The following TNNT2 variants were observed in gnomAD, a reference collection of about 807,000 sequenced individuals.
TNNT2 encodes troponin T, cardiac muscle.
In TNNT2, 34 loss-of-function variants were observed where a neutral mutation model predicts 62.4. The observed-to-expected ratio is 0.54, with a 90% CI of 0.41 to 0.72. The LOEUF (loss-of-function observed/expected upper bound fraction) is 0.72, where lower values mean the gene tolerates loss of function less well. Ranked by LOEUF, TNNT2 falls within the 30% of genes least tolerant of loss-of-function variation. The pLI, the probability that TNNT2 is intolerant of heterozygous loss-of-function variation, is 0.00. For missense variants in TNNT2, 275 were observed against 381.9 expected, an observed-to-expected ratio of 0.72 and a Z score of 2.33; for synonymous variants, 123 against 127.2, an observed-to-expected ratio of 0.97 and a Z score of 0.22.
intron 4 of TNNT2, 134 bp downstream of exon 4, chr1:201,371,893 G>C (rs1006544735): frequency 9.9e-5 from 117 of 1,183,126 alleles, no homozygotes; most frequent in Admixed American, 3.4e-4. Context: ...ATTTTAGAAG[G>C]CACTGTTGTT....
At chr1:201,367,449 C>T (rs545155455) in intron 7 of TNNT2, 51 of 523,222 alleles carry the variant, frequency 9.7e-5, no homozygotes, top group African/African-American at 8.7e-4. Flanking sequence ...GACACCACAT[C>T]CTACAAGTGA....
chr1:201,364,543 C>T (rs984640765), intron 10 of TNNT2, among the ~76,000 whole-genome samples, 168 bp from the exon 11 acceptor site: 7 of 152,176 alleles, frequency 4.6e-5, no homozygotes, highest in African/African-American at 1.4e-4. Context: ...ACCAGCTCCA[C>T]GGACGTGCAC....
intron 2 of TNNT2, 144 bp from the exon 3 acceptor site, chr1:201,372,299 C>G (rs1660750882): frequency 1.7e-6 from 2 of 1,203,486 alleles, no homozygotes; most frequent in Admixed American, 1.9e-5. Context: ...TCCACGCTGC[C>G]CTGCCCACCT....
chr1:201,370,088 G>A (rs927116973), intron 4 of TNNT2, among the ~76,000 whole-genome samples: 2 of 152,216 alleles, frequency 1.3e-5, no homozygotes, highest in Admixed American at 6.5e-5. Context: ...CTTCTCAGCC[G>A]TGGTGAGGAC....
At chr1:201,365,371 G>T in intron 9 of TNNT2, 64 bp from the exon 10 acceptor site, 1 of 1,403,530 alleles carries the variant, frequency 7.1e-7, no homozygotes, top group Non-Finnish European at 1.0e-6. Context: ...GAGATGGGTG[G>T]GCTAGACACC....
chr1:201,364,483 TC>T, intron 10 of TNNT2, 108 bp from the exon 11 acceptor site: 1 of 1,206,272 alleles, frequency 8.3e-7, no homozygotes, highest in Non-Finnish European at 1.2e-6. Context: ...GAGGGTTCCT[TC>T]CAGAGTCTTG....
intron 8 of TNNT2, chr1:201,366,540 T>C: frequency 3.1e-6 from 4 of 1,298,764 alleles, no homozygotes; most frequent in Non-Finnish European, 3.9e-6. Flanking sequence ...AGGAGGGTGT[T>C]CTGGCCATAC....
chr1:201,362,209 G>T (rs1420881716), intron 13 of TNNT2, 177 bp downstream of exon 13: 4 of 1,262,772 alleles, frequency 3.2e-6, no homozygotes, highest in Non-Finnish European at 4.5e-6. Context: ...GGGGCAAGAA[G>T]GATCACGTCA....
intron 12 of TNNT2, 34 bp downstream of exon 12, chr1:201,363,262 G>C: frequency 6.2e-7 from 1 of 1,613,056 alleles, no homozygotes; most frequent in Non-Finnish European, 8.5e-7. Flanking sequence ...GCTATACTAG[G>C]ATCTCCTGGC....
intron 1 of TNNT2, among the ~76,000 whole-genome samples, chr1:201,375,594 G>T (rs945950780): frequency 5.3e-5 from 8 of 152,146 alleles, no homozygotes; most frequent in Admixed American, 5.2e-4. Flanking sequence ...GATGAGAGTG[G>T]CCAAAGAGAA....
chr1:201,361,312 G>T lies in TNNT2; in HGVS notation c.777C>A (p.Asp259Glu). The T allele has an allele frequency of 6.2e-7, 1 of 1,614,128 alleles. No individual in the cohort carries two copies. The highest frequency in any genetic ancestry group is 8.5e-7 in the Non-Finnish European group (1 of 1,179,990). Residue 259 changes from aspartate (D) to glutamate (E), a missense_variant, in exon 15 of 17, where the codon GAC becomes GAA. Asp to Glu is a conservative substitution (Grantham distance 45, BLOSUM62 2). Coordinates refer to ENST00000656932, the MANE Select transcript of TNNT2 (RefSeq NM_001276345.2). ...SIYNLEAEKFDLQEKFKQQKY... is the reference protein window; with the variant it reads ...SIYNLEAEKFELQEKFKQQKY... The stretch of plus-strand genomic sequence containing the variant: ...TCTGCTGCTTGAACTTCTCCTGCAG[G>T]TCGAACTTCTCTGCCTCCAAGTTAT...
At chr1:201,367,108 G>C in intron 7 of TNNT2, 1 of 642,398 alleles carries the variant, frequency 1.6e-6, no homozygotes, top group Non-Finnish European at 2.7e-6. Flanking sequence ...ACGCAGTGTG[G>C]AACTTCACAC....
At chr1:201,364,737 A>G (rs1339588331) in intron 10 of TNNT2, among the ~76,000 whole-genome samples, 6 of 152,226 alleles carry the variant, frequency 3.9e-5, no homozygotes, top group Admixed American at 3.9e-4. Context: ...CCAGAGCAGC[A>G]TGTCTGTGGG....
chr1:201,364,979 C>G (rs567000275), intron 10 of TNNT2, among the ~76,000 whole-genome samples: 114 of 152,140 alleles, frequency 7.5e-4, no homozygotes, highest in African/African-American at 2.6e-3. Context: ...CAAGGAGCAT[C>G]CAGTAGGATG....
At position 201,359,193 on chromosome 1, in the gene TNNT2, G is replaced by T; in HGVS notation, c.*17C>A. On this transcript the variant is annotated 3_prime_UTR_variant, in exon 17 of 17. Transcript: ENST00000656932. ...GGTGCGAGCGAGGAGCAGATCTTTG[G>T]TGAAGGAGGCCAGGCTCTATTTCCA... 1 of 1,606,988 alleles carries T rather than the reference G, an allele frequency of 6.2e-7. No homozygotes were observed. Among genetic ancestry groups the T allele is most frequent in the Non-Finnish European group, 8.5e-7 (1 of 1,177,564 alleles).
intron 9 of TNNT2, 56 bp downstream of exon 9, chr1:201,365,554 A>G: frequency 1.3e-6 from 2 of 1,575,078 alleles, no homozygotes; most frequent in Non-Finnish European, 1.7e-6. Flanking sequence ...TCTGTCACTG[A>G]GGGCCCTTGG....
chr1:201,365,694 C>T, intron 8 of TNNT2, 24 bp from the exon 9 acceptor site: 1 of 1,612,582 alleles, frequency 6.2e-7, no homozygotes, highest in Non-Finnish European at 8.5e-7. Context: ...GAATAGTCAG[C>T]ATCAGCCCCA....
At chr1:201,366,276 A>G (rs1659637235) in intron 8 of TNNT2, 2 of 1,023,260 alleles carry the variant, frequency 2.0e-6, no homozygotes, top group Non-Finnish European at 2.3e-6. Flanking sequence ...TGAAATGGGA[A>G]GAGCCTGTGA....
intron 1 of TNNT2, among the ~76,000 whole-genome samples, chr1:201,376,899 C>T (rs1453810623): frequency 1.3e-5 from 2 of 152,234 alleles, no homozygotes; most frequent in Non-Finnish European, 2.9e-5. Context: ...CACCCAAGGA[C>T]AGGTTCTCCC....
Sources: allele counts gnomAD v4.1 joint callset (sites outside exome capture counted in the v4.1 genomes callset), GRCh38; gene constraint gnomAD v4.1.1; transcripts MANE v1.5; gene names NCBI Gene and HGNC (gene_info 2026-07-23, HGNC 2026-07-21).